The following ABAT variants were observed in gnomAD, a reference collection of about 807,000 sequenced individuals.
The protein encoded by ABAT is 4-aminobutyrate aminotransferase, mitochondrial.
A neutral mutation model predicts 64.6 loss-of-function variants in ABAT; 45 were observed. The ratio of observed to expected loss-of-function variants is 0.70; its 90% confidence interval spans 0.55 to 0.89. The LOEUF (loss-of-function observed/expected upper bound fraction) is 0.89, where lower values mean the gene tolerates loss of function less well. ABAT is among the 40% of genes least tolerant of loss of function. The pLI is 0.00. For missense variants in ABAT, 633 were observed against 658.4 expected (o/e 0.96, Z 0.42); for synonymous variants, 297 against 250.5 (o/e 1.19, Z -1.75).
At chr16:8,745,976 T>C in intron 2 of ABAT, 25 bp from the exon 3 acceptor site, 1 of 1,607,176 alleles carries the variant, frequency 6.2e-7, no homozygotes, top group Non-Finnish European at 8.5e-7. Context: ...CACCAGGGAT[T>C]TCTCATTGTC....
chr16:8,749,386 C>CTTTTTTTTTTTTTTT lies in ABAT; in HGVS notation c.199-1020_199-1006dup, dbSNP rs1160144275. 6.2e-5 allele frequency among the ~76,000 whole-genome samples: 2 copies of CTTTTTTTTTTTTTTT among 32,016 alleles called. 1 individual carries two copies. The highest frequency in any genetic ancestry group is 1.1e-4 in the Non-Finnish European group (2 of 18,080). The allele number at this position is 32,016 out of a possible 152,430, so 21.0% of individuals were successfully genotyped here. ...ACAGGCGTGAGCCACCGCACCCGGC[C>CTTTTTTTTTTTTTTT]TTTTTTTTTTTTTTTTTTTTTTTTT... On this transcript the variant is annotated intron_variant, in intron 4 of 15. Coordinates refer to ENST00000268251, the MANE Select transcript of ABAT (RefSeq NM_020686.6).
chr16:8,780,767 A>T (rs373796402), intron 15 of ABAT: 10,659 of 177,038 alleles, frequency 0.06, 427 homozygotes, highest in Admixed American at 0.15. Flanking sequence ...CATCTCTAAA[A>T]AAAAAAAAAA....
chr16:8,723,421 G>A (rs746044650), intron 1 of ABAT, among the ~76,000 whole-genome samples: 1 of 152,130 alleles, frequency 6.6e-6, no homozygotes, highest in Non-Finnish European at 1.5e-5. Flanking sequence ...CCAAGAAAGA[G>A]AGCCTTCCCT....
chr16:8,750,566 A>G, intron 5 of ABAT, 27 bp downstream of exon 5: 1 of 1,594,814 alleles, frequency 6.3e-7, no homozygotes. Context: ...CATTCCTTGG[A>G]TATAACCTCT....
chr16:8,723,622 C>T (rs1334709544), intron 1 of ABAT, among the ~76,000 whole-genome samples: 1 of 151,898 alleles, frequency 6.6e-6, no homozygotes, highest in Non-Finnish European at 1.5e-5. Flanking sequence ...ATGCAAATGA[C>T]TTGTGTGCCT....
At chr16:8,770,631 A>T (rs1411049638) in intron 11 of ABAT, among the ~76,000 whole-genome samples, 1 of 151,696 alleles carries the variant, frequency 6.6e-6, no homozygotes, top group Admixed American at 6.6e-5. Flanking sequence ...TTGCAGAAAC[A>T]GGTTTTGCCG....
At chr16:8,724,348 T>C (rs2058472523) in intron 1 of ABAT, among the ~76,000 whole-genome samples, 1 of 152,216 alleles carries the variant, frequency 6.6e-6, no homozygotes, top group South Asian at 2.1e-4. Flanking sequence ...GTAAAATCTT[T>C]TTGTTCGCTG....
chr16:8,765,735 T>A (rs1283592835), intron 8 of ABAT: 1 of 153,320 alleles, frequency 6.5e-6, no homozygotes, highest in African/African-American at 2.4e-5. Flanking sequence ...CAAGCCAAGG[T>A]CTCTGGGTTG....
chr16:8,710,727 A>AGAGAGAGGGAGAGGGAGG (rs146344975), intron 1 of ABAT, among the ~76,000 whole-genome samples: 1,573 of 102,978 alleles, frequency 0.015, 167 homozygotes, highest in East Asian at 0.025. Flanking sequence ...AGAGAGAGAG[A>AGAGAGAGGGAGAGGGAGG]GAGGAAATAG....
chr16:8,689,681 T>A (rs2057536674), intron 1 of ABAT, among the ~76,000 whole-genome samples: 1 of 152,082 alleles, frequency 6.6e-6, no homozygotes, highest in Non-Finnish European at 1.5e-5. Context: ...GTGGGAGAGG[T>A]TCAGGGAAGT....
chr16:8,746,078 G>A lies in ABAT; in HGVS notation c.148G>A (p.Val50Ile), dbSNP rs746465222. 2 of 1,613,684 alleles carry A rather than the reference G, an allele frequency of 1.2e-6. No individual in the cohort carries two copies. The highest frequency in any genetic ancestry group is 2.2e-5 in the South Asian group (2 of 91,062). The change falls in exon 3 of 16, where the codon GTC becomes ATC. Residue 50 changes from valine to isoleucine, a missense_variant. Transcript: ENST00000268251. ...DYDGPLMKTE[V>I]PGPRSQELMK... ...TGATGGGCCTCTGATGAAGACGGAA[G>A]TCCCAGGGCCTAGATCTCAGGTGAG...
chr16:8,769,075 G>T lies in ABAT; in HGVS notation c.816+102G>T. 3.3e-6 allele frequency: 5 copies of T among 1,513,204 alleles called. No homozygotes were observed. The South Asian group carries it at 3.4e-5, about 10-fold the overall frequency. The allele number at this position is 1,513,204 out of a possible 1,614,324, so 93.7% of individuals were successfully genotyped here. A position where few individuals can be genotyped will look rare whatever the true frequency, so the allele number is the denominator to read the frequency against. ...GAAACAGATGAAGGGTTTATCTGGG[G>T]ATCTGTGCAGTGCTCCCCCAGAGGG... On this transcript the variant is annotated intron_variant, in intron 11 of 15. Transcript: ENST00000268251.
chr16:8,727,400 C>T lies in ABAT; in HGVS notation c.-41-8299C>T, dbSNP rs187623155. Among the ~76,000 whole-genome samples, 64 of 152,306 alleles carry T rather than the reference C, an allele frequency of 4.2e-4. No homozygotes were observed. The East Asian group carries it at 6.4e-3, about 15-fold the overall frequency. On this transcript the variant is annotated intron_variant, in intron 1 of 15. Coordinates refer to ENST00000268251, the MANE Select transcript of ABAT (RefSeq NM_020686.6). ...GCTACTCCGTGTCATCATACACCTCCGAGCACTTGCCTTATCCCTGCTTTC... is the reference window on the plus strand; with the variant it reads ...GCTACTCCGTGTCATCATACACCTCTGAGCACTTGCCTTATCCCTGCTTTC...
At chr16:8,684,316 C>A (rs1166307966) in intron 1 of ABAT, among the ~76,000 whole-genome samples, 2 of 152,098 alleles carry the variant, frequency 1.3e-5, no homozygotes, top group African/African-American at 2.4e-5. Flanking sequence ...CTCGCACCTG[C>A]AATCCCAGCG....
chr16:8,674,947 AC>A (rs1315203545), intron 1 of ABAT, among the ~76,000 whole-genome samples: 2 of 151,932 alleles, frequency 1.3e-5, no homozygotes, highest in Non-Finnish European at 2.9e-5. Context: ...CCAGCTCTAG[AC>A]AGAAGTCCTC....
intron 5 of ABAT, among the ~76,000 whole-genome samples, chr16:8,754,102 T>C (rs2059569947): frequency 1.4e-5 from 2 of 146,776 alleles, no homozygotes; most frequent in African/African-American, 5.0e-5. Flanking sequence ...TCCCACACTT[T>C]GGGAAGCCAA....
At chr16:8,771,491 G>C (rs1030154470) in intron 11 of ABAT, among the ~76,000 whole-genome samples, 3 of 124,008 alleles carry the variant, frequency 2.4e-5, no homozygotes, top group African/African-American at 7.4e-5. Flanking sequence ...TTTTGAGACA[G>C]AGTTTCACTC....
At position 8,781,668 on chromosome 16, in the gene ABAT, T is replaced by G; in HGVS notation, c.*238T>G. 1 of 605,300 alleles carries G rather than the reference T, an allele frequency of 1.7e-6. No homozygotes were observed. Among genetic ancestry groups the G allele is most frequent in the Non-Finnish European group, 2.9e-6 (1 of 340,420 alleles). 37.5% of individuals were successfully genotyped at this position (605,300 alleles called of 1,614,324 possible). A position where few individuals can be genotyped will look rare whatever the true frequency, so the allele number is the denominator to read the frequency against. ...ATTGGTTTAAGCCCAGAGATCCTGC[T>G]TGAGCCCTGGACTCATCTTGGGAAG... On this transcript the variant is annotated 3_prime_UTR_variant, in exon 16 of 16. Transcript: ENST00000268251. The surrounding 1 kb of genome is among the most constrained non-coding windows in gnomAD (Gnocchi z 4.5).
chr16:8,708,165 A>G (rs2057990189), intron 1 of ABAT, among the ~76,000 whole-genome samples: 1 of 75,666 alleles, frequency 1.3e-5, no homozygotes, highest in Admixed American at 1.5e-4. Context: ...TCTAGACAAA[A>G]GGAGTCTGCT....
Sources: allele counts gnomAD v4.1 joint callset (sites outside exome capture counted in the v4.1 genomes callset), GRCh38; gene constraint gnomAD v4.1.1; non-coding constraint Gnocchi (gnomAD v3.1); transcripts MANE v1.5; gene names NCBI Gene and HGNC (gene_info 2026-07-23, HGNC 2026-07-21).